The following KHDRBS2 variants were observed in gnomAD, a reference collection of about 807,000 sequenced individuals.
KHDRBS2 encodes KH domain-containing, RNA-binding, signal transduction-associated protein 2.
KHDRBS2 carries 26 observed loss-of-function variants against 44.3 expected under a neutral mutation model. The observed-to-expected ratio is 0.59, with a 90% CI of 0.43 to 0.81. KHDRBS2 has a LOEUF of 0.81. KHDRBS2 is among the 40% of genes least tolerant of loss of function. The probability of loss-of-function intolerance (pLI) is 0.00; values close to 1 mark genes in which losing one functional copy is unlikely to be tolerated. For synonymous variants in KHDRBS2, 194 were observed against 151.1 expected (o/e 1.28, Z -2.08); for missense variants, 476 against 433.1 (o/e 1.10, Z -0.88).
At chr6:61,880,763 G>C (rs567272746) in intron 6 of KHDRBS2, among the ~76,000 whole-genome samples, 4 of 151,830 alleles carry the variant, frequency 2.6e-5, no homozygotes, top group African/African-American at 7.2e-5. Context: ...CTATACTCCT[G>C]TCTTCACAAC....
intron 2 of KHDRBS2, among the ~76,000 whole-genome samples, chr6:62,168,905 T>C (rs1819242015): frequency 6.6e-6 from 1 of 151,540 alleles, no homozygotes; most frequent in African/African-American, 2.4e-5. Flanking sequence ...CATTGTATTA[T>C]GATGCTGACT....
intron 4 of KHDRBS2, 88 bp from the exon 5 acceptor site, chr6:61,901,459 C>T (rs1360121539): frequency 4.1e-6 from 3 of 740,282 alleles, no homozygotes; most frequent in African/African-American, 2.6e-5. Flanking sequence ...AAACAAAACG[C>T]AATAGGAAAT....
chr6:61,878,032 G>T (rs1165380600), intron 6 of KHDRBS2, among the ~76,000 whole-genome samples: 1 of 152,006 alleles, frequency 6.6e-6, no homozygotes, highest in East Asian at 1.9e-4. Context: ...TATGTAATGA[G>T]AAAAATTTTG....
chr6:61,752,422 C>G (rs971511724), intron 6 of KHDRBS2, among the ~76,000 whole-genome samples: 1 of 152,094 alleles, frequency 6.6e-6, no homozygotes, highest in African/African-American at 2.4e-5. Flanking sequence ...AAATGCTAGT[C>G]TCTTTCCATT....
At chr6:62,000,442 A>ATTG (rs1778022877) in intron 3 of KHDRBS2, among the ~76,000 whole-genome samples, 1 of 151,914 alleles carries the variant, frequency 6.6e-6, no homozygotes, top group Non-Finnish European at 1.5e-5. Context: ...TAATTGCATT[A>ATTG]TTGTTGAAAG....
At chr6:61,864,084 T>C (rs1357928484) in intron 6 of KHDRBS2, among the ~76,000 whole-genome samples, 1 of 152,174 alleles carries the variant, frequency 6.6e-6, no homozygotes, top group Non-Finnish European at 1.5e-5. Flanking sequence ...TTAAACTTTG[T>C]TTTATCAGAA....
intron 6 of KHDRBS2, among the ~76,000 whole-genome samples, chr6:61,845,360 A>T (rs1794238664): frequency 7.5e-6 from 1 of 133,926 alleles, no homozygotes. Flanking sequence ...CTCAGGCTGG[A>T]GTGCAGTGGC....
At chr6:62,096,556 T>C (rs1265484770) in intron 2 of KHDRBS2, among the ~76,000 whole-genome samples, 1 of 151,946 alleles carries the variant, frequency 6.6e-6, no homozygotes, top group African/African-American at 2.4e-5. Context: ...TTCTAAGGTG[T>C]CAGTTTTAAT....
intron 6 of KHDRBS2, among the ~76,000 whole-genome samples, chr6:61,785,367 T>C (rs2127582956): frequency 6.6e-6 from 1 of 152,274 alleles, no homozygotes; most frequent in Non-Finnish European, 1.5e-5. Context: ...CTATTTTTTG[T>C]AAGAGTATAA....
In KHDRBS2 at chr6:62,030,134, T is replaced by C. The variant is rs1261947220; in HGVS notation, c.336+17744A>G. On this transcript the variant is annotated intron_variant, in intron 3 of 8. Coordinates refer to ENST00000281156, the MANE Select transcript of KHDRBS2 (RefSeq NM_152688.4). ...CCAATAAAATGTCAGAGATGAGAAA[T>C]AGGAAATCTGCTTTAACATCAGATG... Among the ~76,000 whole-genome samples the C allele has an allele frequency of 3.9e-5, 6 of 152,062 alleles. No individual in the cohort carries two copies. In the South Asian group the frequency reaches 6.2e-4, roughly 16 times the overall value.
At chr6:61,942,925 A>G (rs970215792) in intron 4 of KHDRBS2, among the ~76,000 whole-genome samples, 1 of 150,714 alleles carries the variant, frequency 6.6e-6, no homozygotes, top group African/African-American at 2.4e-5. Context: ...TATGTTGGAA[A>G]GAAGGAAAGA....
chr6:61,625,253 C>A, the KHDRBS2 span, among the ~76,000 whole-genome samples: 1 of 151,410 alleles, frequency 6.6e-6, no homozygotes, highest in Non-Finnish European at 1.5e-5. Context: ...CTGGGACTAA[C>A]TACAGAGATG....
chr6:61,866,056 C>G (rs1204456025), intron 6 of KHDRBS2, among the ~76,000 whole-genome samples: 3 of 152,192 alleles, frequency 2.0e-5, no homozygotes, highest in Non-Finnish European at 4.4e-5. Context: ...CTATTCTGGG[C>G]TCTGGAGGAT....
intron 2 of KHDRBS2, among the ~76,000 whole-genome samples, chr6:62,173,264 A>T (rs1455602432): frequency 1.3e-5 from 2 of 151,988 alleles, no homozygotes; most frequent in East Asian, 1.9e-4. Flanking sequence ...CACTTTAGGG[A>T]TCCCACAGAA....
intron 6 of KHDRBS2, among the ~76,000 whole-genome samples, chr6:61,751,027 T>C (rs1385254290): frequency 2.0e-5 from 3 of 152,166 alleles, no homozygotes; most frequent in African/African-American, 7.2e-5. Context: ...AAAAGAACTT[T>C]GATTGATATA....
intron 3 of KHDRBS2, among the ~76,000 whole-genome samples, chr6:62,016,651 CTT>C (rs577582722): frequency 2.7e-4 from 40 of 149,432 alleles, no homozygotes; most frequent in African/African-American, 8.5e-4. Flanking sequence ...TATATATAAT[CTT>C]ATTTTATATA....
At chr6:61,648,153 A>C in the KHDRBS2 span, among the ~76,000 whole-genome samples, 1 of 152,034 alleles carries the variant, frequency 6.6e-6, no homozygotes, top group Non-Finnish European at 1.5e-5. Context: ...AATTAATATA[A>C]TAATATTATA....
intron 2 of KHDRBS2, among the ~76,000 whole-genome samples, chr6:62,075,343 C>T (rs977555326): frequency 2.0e-5 from 3 of 151,830 alleles, no homozygotes; most frequent in Admixed American, 6.6e-5. Flanking sequence ...GCAAGCTAGA[C>T]AAAGAATTTG....
chr6:61,565,895 A>G, the KHDRBS2 span, among the ~76,000 whole-genome samples: 5 of 151,978 alleles, frequency 3.3e-5, no homozygotes, highest in Non-Finnish European at 7.4e-5. Flanking sequence ...AGTATATTGA[A>G]GAGATATCTA....
Sources: allele counts gnomAD v4.1 joint callset (sites outside exome capture counted in the v4.1 genomes callset), GRCh38; gene constraint gnomAD v4.1.1; transcripts MANE v1.5; gene names NCBI Gene and HGNC (gene_info 2026-07-23, HGNC 2026-07-21).